CCDC81: variants seen among roughly 807,000 people sequenced by gnomAD.
CCDC81 encodes coiled-coil domain-containing protein 81.
Under a neutral mutation model 83.7 loss-of-function variants are expected in CCDC81, and 79 were observed. The ratio of observed to expected loss-of-function variants is 0.94; its 90% CI spans 0.79 to 1.14. The LOEUF is 1.14. Ranked by LOEUF, CCDC81 falls within the 50% of genes most tolerant of loss-of-function variation. The probability of loss-of-function intolerance (pLI) is 0.00; values close to 1 mark genes in which losing one functional copy is unlikely to be tolerated. For missense variants in CCDC81, 791 were observed against 778.1 expected, an observed-to-expected ratio of 1.02 and a Z score of -0.20; for synonymous variants, 252 against 278.1, an observed-to-expected ratio of 0.91 and a Z score of 0.93.
chr11:86,395,147 A>C (rs1288349064), intron 4 of CCDC81, 187 bp from the exon 5 acceptor site: 3 of 469,884 alleles, frequency 6.4e-6, no homozygotes, highest in African/African-American at 6.0e-5. Flanking sequence ...GCAGCTACCC[A>C]GGGTGATTGC....
At chr11:86,379,100 T>C (rs1335472086) in intron 1 of CCDC81, among the ~76,000 whole-genome samples, 1 of 147,248 alleles carries the variant, frequency 6.8e-6, no homozygotes, top group Non-Finnish European at 1.5e-5. Flanking sequence ...ATATCAGTTA[T>C]ACTTTTTTTT....
At chr11:86,393,577 G>A (rs1465877702) in intron 4 of CCDC81, among the ~76,000 whole-genome samples, 2 of 152,034 alleles carry the variant, frequency 1.3e-5, no homozygotes, top group African/African-American at 2.4e-5. Context: ...TTTAATGTTG[G>A]TTCTACTATT....
Position 86,387,501 on chromosome 11 carries a change from GT to G in CCDC81, c.142-9del, listed in dbSNP as rs748713952. 1.7e-5 allele frequency: 28 copies of G among 1,611,770 alleles called. No individual in the cohort carries two copies. The highest frequency in any genetic ancestry group is 2.3e-5 in the Non-Finnish European group (27 of 1,179,234). On this transcript the variant is annotated splice_polypyrimidine_tract_variant and intron_variant, in intron 2 of 14. Coordinates refer to ENST00000445632, the MANE Select transcript of CCDC81 (RefSeq NM_001156474.2). ...CCTTCAATGAATTCTGTTTTGTTTT[GT>G]TTTTTCCTTTCAGGGGGTTCAGATT...
chr11:86,375,156 A>T lies in CCDC81; in HGVS notation c.-8A>T, dbSNP rs372837340. 1.5e-5 allele frequency: 24 copies of T among 1,613,024 alleles called. No homozygotes were observed. Among genetic ancestry groups the T allele is most frequent in the Admixed American group, 1.2e-4 (7 of 60,008 alleles). On this transcript the variant is annotated 5_prime_UTR_variant, in exon 1 of 15. Transcript: ENST00000445632. ...AACATTCAGTACGGAGTCACCTGGA[A>T]ATTGGAGATGTTGGATACGATCGCC... is the stretch of plus-strand genomic sequence containing the variant.
chr11:86,399,921 G>A (rs549776030), intron 6 of CCDC81, among the ~76,000 whole-genome samples: 6 of 151,456 alleles, frequency 4.0e-5, no homozygotes, highest in South Asian at 2.1e-4. Context: ...TCAGGAGTTC[G>A]AAGCCAGCCT....
At position 86,414,805 on chromosome 11, in the gene CCDC81, G is replaced by T. The variant is rs759473629; in HGVS notation, c.1408G>T (p.Ala470Ser). The change falls in exon 12 of 15, where the codon GCG becomes TCG. Residue 470 changes from alanine to serine, a missense_variant. Ala to Ser is a moderately conservative substitution (Grantham distance 99, BLOSUM62 1). Coordinates refer to ENST00000445632, the MANE Select transcript of CCDC81 (RefSeq NM_001156474.2). ...QLTEELAAQR[A>S]KFLKDKMEET... ...AACTGCCAGACTTGCTGCGCAAAGA[G>T]CGAAATTTTTAAAAGATAAGATGGA... 6.2e-7 allele frequency: 1 copy of T among 1,611,760 alleles called. No individual in the cohort carries two copies. The highest frequency in any genetic ancestry group is 1.1e-5 in the South Asian group (1 of 90,146).
intron 1 of CCDC81, 61 bp downstream of exon 1, chr11:86,375,303 G>A: frequency 6.9e-7 from 1 of 1,445,988 alleles, no homozygotes; most frequent in Non-Finnish European, 9.6e-7. Flanking sequence ...GCTTGCAGGG[G>A]AGGCGGGGGG....
chr11:86,382,360 T>TA (rs1948187829), intron 1 of CCDC81, among the ~76,000 whole-genome samples: 1 of 152,048 alleles, frequency 6.6e-6, no homozygotes, highest in Non-Finnish European at 1.5e-5. Flanking sequence ...AACTTGGAGG[T>TA]AAAATCTACA....
At chr11:86,397,777 CTT>C in intron 6 of CCDC81, 35 bp downstream of exon 6, 1 of 1,600,334 alleles carries the variant, frequency 6.2e-7, no homozygotes, top group Admixed American at 1.7e-5. Context: ...ATCTGTCACT[CTT>C]TACTGCTATG....
chr11:86,412,397 T>G lies in CCDC81; in HGVS notation c.1229T>G (p.Leu410Arg). 1.3e-6 allele frequency: 2 copies of G among 1,590,264 alleles called. No individual in the cohort carries two copies. Among genetic ancestry groups the G allele is most frequent in the Non-Finnish European group, 1.7e-6 (2 of 1,171,976 alleles). ...NEKPEFYKSF[L>R]FDKRPLSPAL... is the part of the protein sequence containing the mutation. Reference sequence around the variant, plus strand: ...TCTCTTTCATTCTAGAAATCCTTCCTATTTGACAAACGGCCACTCAGTCCT... The same window carrying G: ...TCTCTTTCATTCTAGAAATCCTTCCGATTTGACAAACGGCCACTCAGTCCT... Residue 410 changes from leucine (L) to arginine (R), a missense_variant, in exon 11 of 15, where the codon CTA becomes CGA. Physicochemically the swap from Leu to Arg is moderately radical, Grantham distance 102. Transcript: ENST00000445632.
chr11:86,390,041 G>A (rs7105530), intron 3 of CCDC81, among the ~76,000 whole-genome samples: 2,673 of 152,226 alleles, frequency 0.018, 146 homozygotes, highest in East Asian at 0.14. Context: ...AGAGGCGGAG[G>A]TTGCAATGGG....
rs35734072 is a variant in CCDC81 at position 86,417,236 on chromosome 11, C to CAA, written c.1691+1937_1691+1938dup. On this transcript the variant is annotated intron_variant, in intron 13 of 14. Coordinates refer to ENST00000445632, the MANE Select transcript of CCDC81 (RefSeq NM_001156474.2). ...TCAGCCTGGGCGACAGAGATTGCCT[C>CAA]AAAAAAAAAAAAAAAGGTTAATAAT... Among the ~76,000 whole-genome samples, 672 of 134,840 alleles carry CAA rather than the reference C, an allele frequency of 5.0e-3. 3 individuals carry two copies. The highest frequency in any genetic ancestry group is 8.0e-3 in the Admixed American group (107 of 13,370). 88.5% of individuals were successfully genotyped at this position (134,840 alleles called of 152,430 possible). A position where few individuals can be genotyped will look rare whatever the true frequency, so the allele number is the denominator to read the frequency against.
rs746589302 is a variant in CCDC81 at position 86,415,306 on chromosome 11, CAA to C, written c.1686_1687del (p.Glu564AlafsTer8). 1 of 1,613,246 alleles carries C rather than the reference CAA, an allele frequency of 6.2e-7. No individual in the cohort carries two copies. The highest frequency in any genetic ancestry group is 8.5e-7 in the Non-Finnish European group (1 of 1,179,440). The part of the protein sequence containing the change: ...RRDLQMLQRT[Q>X]REHLADRTAE... The stretch of plus-strand genomic sequence containing the variant: ...GGATTTGCAAATGCTTCAGAGGACA[CAA>C]AGAGAGTAAGGAGACCCCTGATCTT... On this transcript the variant is annotated frameshift_variant, in exon 13 of 15. Transcript: ENST00000445632. LOFTEE classifies it high-confidence loss of function.
intron 1 of CCDC81, among the ~76,000 whole-genome samples, chr11:86,385,781 G>C (rs1257247754): frequency 1.4e-4 from 21 of 152,188 alleles, no homozygotes; most frequent in Non-Finnish European, 1.5e-5. Flanking sequence ...GGGTGTGACA[G>C]AGTTCCCTTT....
intron 7 of CCDC81, among the ~76,000 whole-genome samples, chr11:86,405,689 G>A (rs1457500897): frequency 1.3e-5 from 2 of 150,894 alleles, no homozygotes. Context: ...GGTTTTAAGT[G>A]TTAAAACATT....
chr11:86,402,826 C>A (rs1948511697), intron 7 of CCDC81, among the ~76,000 whole-genome samples: 1 of 151,646 alleles, frequency 6.6e-6, no homozygotes, highest in Non-Finnish European at 1.5e-5. Context: ...TGTTTGATTT[C>A]TAGTGGGTTT....
chr11:86,421,307 CT>C (rs1948785484), intron 14 of CCDC81, among the ~76,000 whole-genome samples: 2 of 152,018 alleles, frequency 1.3e-5, no homozygotes. Context: ...TAAGACTGCC[CT>C]TGATAATCCT....
intron 10 of CCDC81, among the ~76,000 whole-genome samples, chr11:86,410,384 TAAAG>T (rs1055912358): frequency 1.3e-5 from 2 of 152,118 alleles, no homozygotes; most frequent in Admixed American, 6.5e-5. Flanking sequence ...GACAGACACT[TAAAG>T]AGACAACTGT....
chr11:86,389,396 T>C (rs946196754), intron 3 of CCDC81, among the ~76,000 whole-genome samples: 1 of 152,230 alleles, frequency 6.6e-6, no homozygotes, highest in Admixed American at 6.5e-5. Context: ...TATAAATAAC[T>C]AGCTAAGACT....
Sources: gnomAD v4.1 joint callset for allele counts (sites outside exome capture counted in the v4.1 genomes callset) on GRCh38, gnomAD v4.1.1 for gene constraint, MANE v1.5 for transcripts, NCBI Gene and HGNC (gene_info 2026-07-23, HGNC 2026-07-21) for gene names.